Variants in KLHL3 observed in about 807,000 individuals in gnomAD.
KLHL3 encodes kelch like family member 3, also known as kelch-like protein 3.
A neutral mutation model predicts 70.5 loss-of-function variants in KLHL3; 19 were observed. That is an observed-to-expected ratio of 0.27 (90% CI 0.19 to 0.40). The LOEUF is 0.40. Ranked by LOEUF, KLHL3 falls within the 10% of genes least tolerant of loss-of-function variation. The probability of loss-of-function intolerance (pLI) is 1.00; values close to 1 mark genes in which losing one functional copy is unlikely to be tolerated. For synonymous variants in KLHL3, 258 were observed against 290.3 expected, an observed-to-expected ratio of 0.89 and a Z score of 1.13; for missense variants, 512 against 771.1, an observed-to-expected ratio of 0.66 and a Z score of 3.98.
intron 4 of KLHL3, among the ~76,000 whole-genome samples, chr5:137,697,245 C>A (rs1305880981): frequency 1.3e-5 from 2 of 151,886 alleles, no homozygotes; most frequent in Non-Finnish European, 2.9e-5. Context: ...CTCACAGCAA[C>A]CTCCGCCTCC....
rs909453562 is a variant in KLHL3, at chr5:137,735,683, G to A, written c.-37C>T. 5 of 1,613,920 alleles carry A rather than the reference G, an allele frequency of 3.1e-6. No individual in the cohort carries two copies. Among genetic ancestry groups the A allele is most frequent in the Non-Finnish European group, 4.2e-6 (5 of 1,179,882 alleles). On this transcript the variant is annotated 5_prime_UTR_variant, in exon 1 of 15. Transcript: ENST00000309755. ...CAGCCAGGGTGGTAGCTGCTGAACT[G>A]TGTATGCACTCGGGGATCCTAGTTC...
chr5:137,717,969 T>C (rs750120396), intron 2 of KLHL3, among the ~76,000 whole-genome samples: 2 of 152,250 alleles, frequency 1.3e-5, no homozygotes, highest in African/African-American at 4.8e-5. Context: ...ACTTGGTCTA[T>C]ATGCAACAAC....
At chr5:137,637,923 C>T (rs73294058) in intron 10 of KLHL3, among the ~76,000 whole-genome samples, 1,549 of 152,254 alleles carry the variant, frequency 0.01, 31 homozygotes, top group African/African-American at 0.035. Flanking sequence ...ACCTGGAACA[C>T]AAATGTGTTG....
intron 12 of KLHL3, among the ~76,000 whole-genome samples, 197 bp downstream of exon 12, chr5:137,633,840 T>C (rs1000428678): frequency 6.6e-6 from 1 of 152,196 alleles, no homozygotes; most frequent in African/African-American, 2.4e-5. Flanking sequence ...AGGGTGAAAG[T>C]TGAAAAATTA....
At chr5:137,692,249 A>G (rs1226372520) in intron 5 of KLHL3, 36 bp downstream of exon 5, 3 of 1,588,532 alleles carry the variant, frequency 1.9e-6, no homozygotes, top group Non-Finnish European at 1.7e-6. Context: ...AGATCCACAA[A>G]CTCGGAGGAG....
At chr5:137,685,748 G>A (rs1227006247) in intron 5 of KLHL3, among the ~76,000 whole-genome samples, 1 of 152,164 alleles carries the variant, frequency 6.6e-6, no homozygotes, top group Non-Finnish European at 1.5e-5. Context: ...CGTGGCTCAA[G>A]CTACACATGA....
chr5:137,681,460 G>A (rs912674173), intron 5 of KLHL3, among the ~76,000 whole-genome samples: 5 of 152,128 alleles, frequency 3.3e-5, no homozygotes, highest in African/African-American at 1.2e-4. Flanking sequence ...GGAAAATTCA[G>A]AGCATATGTA....
rs777605912 is a variant in KLHL3 at position 137,654,179 on chromosome 5, C to T, written c.903+3952G>A. Among the ~76,000 whole-genome samples, 11 of 152,322 alleles carry T rather than the reference C, an allele frequency of 7.2e-5. No individual in the cohort carries two copies. The South Asian group carries it at 1.2e-3, about 17-fold the overall frequency. ...TATGTTTTGATTGGGATGGTGGTTACATGACTGTGCACTTGTAAAAACTTA... is the reference window on the plus strand; with the variant it reads ...TATGTTTTGATTGGGATGGTGGTTATATGACTGTGCACTTGTAAAAACTTA... On this transcript the variant is annotated intron_variant, in intron 8 of 14. Transcript: ENST00000309755.
intron 5 of KLHL3, among the ~76,000 whole-genome samples, chr5:137,683,030 G>A (rs915528835): frequency 6.6e-6 from 1 of 152,158 alleles, no homozygotes; most frequent in Non-Finnish European, 1.5e-5. Context: ...TGCTTAGAAT[G>A]GTGTTAGCTA....
chr5:137,622,024 CA>C lies in KLHL3; in HGVS notation c.*73del. 1 of 1,519,372 alleles carries C rather than the reference CA, an allele frequency of 6.6e-7. No individual in the cohort carries two copies. The highest frequency in any genetic ancestry group is 9.1e-7 in the Non-Finnish European group (1 of 1,093,746). The allele number at this position is 1,519,372 out of a possible 1,614,324, so 94.1% of individuals were successfully genotyped here. ...CCCTCCCAAGCAAGTTGAATCCAGT[CA>C]CCAAGGTCCTGCTGTTCAGAGTCAC... On this transcript the variant is annotated 3_prime_UTR_variant, in exon 15 of 15. Coordinates refer to ENST00000309755, the MANE Select transcript of KLHL3 (RefSeq NM_017415.3).
At position 137,654,694 on chromosome 5, in the gene KLHL3, CTTCT is replaced by C. The variant is rs748734899; in HGVS notation, c.903+3433_903+3436del. On this transcript the variant is annotated intron_variant, in intron 8 of 14. Coordinates refer to ENST00000309755, the MANE Select transcript of KLHL3 (RefSeq NM_017415.3). ...ACAATGAGACAAAGAGTAGTGATGT[CTTCT>C]TTCTTTCTTTCTTTAACAGATTCTA... 6.6e-5 allele frequency among the ~76,000 whole-genome samples: 10 copies of C among 152,268 alleles called. No individual in the cohort carries two copies. In the East Asian group the frequency reaches 7.7e-4, roughly 12 times the overall value.
intron 3 of KLHL3, chr5:137,706,077 T>C (rs1248929266): frequency 4.1e-6 from 4 of 985,278 alleles, no homozygotes; most frequent in Non-Finnish European, 4.8e-6. Context: ...CAAGTTATTG[T>C]CCACAGGACA....
intron 1 of KLHL3, among the ~76,000 whole-genome samples, chr5:137,730,237 T>C (rs980729629): frequency 7.2e-5 from 11 of 152,172 alleles, no homozygotes; most frequent in Non-Finnish European, 1.6e-4. Flanking sequence ...TTAATAACAA[T>C]GTCCACTGAC....
At chr5:137,724,405 T>C (rs1426381549) in intron 1 of KLHL3, among the ~76,000 whole-genome samples, 1 of 152,240 alleles carries the variant, frequency 6.6e-6, no homozygotes, top group Non-Finnish European at 1.5e-5. Flanking sequence ...TCTTCTGGTG[T>C]GTTGCTCTTT....
At chr5:137,704,814 C>T (rs1580776144) in intron 3 of KLHL3, among the ~76,000 whole-genome samples, 1 of 152,348 alleles carries the variant, frequency 6.6e-6, no homozygotes, top group East Asian at 1.9e-4. Flanking sequence ...CTGGCTCCCT[C>T]ACCTTCAAAT....
intron 8 of KLHL3, chr5:137,647,600 G>A (rs1194275306): frequency 2.1e-6 from 1 of 472,400 alleles, no homozygotes; most frequent in Non-Finnish European, 4.4e-6. Context: ...TCGGGCCAGG[G>A]CAGGAAGCGA....
intron 12 of KLHL3, 78 bp from the exon 13 acceptor site, chr5:137,628,515 G>A: frequency 6.5e-7 from 1 of 1,541,954 alleles, no homozygotes; most frequent in East Asian, 2.2e-5. Flanking sequence ...ATCCAGTCCT[G>A]GACAGCCCTG....
At position 137,621,311 on chromosome 5, in the gene KLHL3, A is replaced by T. The variant is rs1336605338; in HGVS notation, c.*787T>A. ...CTAGTTTTCCCAGCTGAAGAGACAT[A>T]ACACCTCCCAGGCCTGGAATCTATG... On this transcript the variant is annotated 3_prime_UTR_variant, in exon 15 of 15. Transcript: ENST00000309755. 6.6e-6 allele frequency: 1 copy of T among 152,546 alleles called. No individual in the cohort carries two copies. Among genetic ancestry groups the T allele is most frequent in the Admixed American group, 6.5e-5 (1 of 15,274 alleles). The allele number at this position is 152,546 out of a possible 1,614,324, so 9.4% of individuals were successfully genotyped here. A position where few individuals can be genotyped will look rare whatever the true frequency, so the allele number is the denominator to read the frequency against.
intron 1 of KLHL3, among the ~76,000 whole-genome samples, chr5:137,733,248 A>G (rs772004099): frequency 2.0e-5 from 3 of 152,148 alleles, no homozygotes; most frequent in Non-Finnish European, 4.4e-5. Context: ...CCTACCTCAA[A>G]GCATTCCTTG....
Sources: allele counts gnomAD v4.1 joint callset (sites outside exome capture counted in the v4.1 genomes callset), GRCh38; gene constraint gnomAD v4.1.1; transcripts MANE v1.5; gene names NCBI Gene and HGNC (gene_info 2026-07-23, HGNC 2026-07-21).